AGBL4: variants seen among roughly 807,000 people sequenced by gnomAD.
The protein encoded by AGBL4 is cytosolic carboxypeptidase 6.
AGBL4 carries 58 observed loss-of-function variants against 66.4 expected under a neutral mutation model. The observed-to-expected ratio is 0.87, with a 90% confidence interval of 0.71 to 1.09. The LOEUF is 1.09. AGBL4 is among the 50% of genes least tolerant of loss of function. AGBL4 has a pLI of 0.00. For synonymous variants in AGBL4, 234 were observed against 222.9 expected, an observed-to-expected ratio of 1.05 and a Z score of -0.44; for missense variants, 579 against 631.0, an observed-to-expected ratio of 0.92 and a Z score of 0.88.
intron 2 of AGBL4, chr1:49,846,266 T>C: frequency 6.8e-7 from 1 of 1,481,480 alleles, no homozygotes; most frequent in Non-Finnish European, 9.4e-7. Context: ...TGGAAAGTCC[T>C]TTAGGCAGAG....
intron 2 of AGBL4, among the ~76,000 whole-genome samples, chr1:49,701,242 A>G (rs1474484977): frequency 6.6e-6 from 1 of 152,014 alleles, no homozygotes; most frequent in Non-Finnish European, 1.5e-5. Flanking sequence ...TAGTAAGCCA[A>G]GATGGCGCCA....
intron 6 of AGBL4, among the ~76,000 whole-genome samples, chr1:48,815,569 C>T (rs1646153677): frequency 6.6e-6 from 1 of 152,114 alleles, no homozygotes; most frequent in Non-Finnish European, 1.5e-5. Context: ...GTCATAATTC[C>T]TACCAGATAA....
At chr1:50,011,357 T>C (rs1426224909) in intron 1 of AGBL4, among the ~76,000 whole-genome samples, 1 of 152,150 alleles carries the variant, frequency 6.6e-6, no homozygotes, top group East Asian at 1.9e-4. Context: ...CAAGTTAAAA[T>C]GTCTTATGTC....
At position 49,889,600 on chromosome 1, in the gene AGBL4, C is replaced by CA. The variant is rs750241953; in HGVS notation, c.35-38083dup. ...TGAAACCCCATCTCTACTAAAAATA[C>CA]AAAAAAAATAGCTGGGCGTGGTGGC... On this transcript the variant is annotated intron_variant, in intron 1 of 13. Coordinates refer to ENST00000371839, the MANE Select transcript of AGBL4 (RefSeq NM_032785.4). 1.6e-3 allele frequency among the ~76,000 whole-genome samples: 236 copies of CA among 151,202 alleles called. 1 individual carries two copies. Among genetic ancestry groups the CA allele is most frequent in the Non-Finnish European group, 1.8e-3 (124 of 67,724 alleles).
intron 11 of AGBL4, among the ~76,000 whole-genome samples, chr1:48,576,450 G>A (rs533775348): frequency 6.6e-6 from 1 of 152,114 alleles, no homozygotes; most frequent in Non-Finnish European, 1.5e-5. Context: ...GCCCCTAAAT[G>A]TCTTCTTGCC....
intron 3 of AGBL4, among the ~76,000 whole-genome samples, chr1:49,330,813 C>T (rs1645317040): frequency 6.6e-6 from 1 of 152,086 alleles, no homozygotes; most frequent in African/African-American, 2.4e-5. Context: ...ATGGGTGGCG[C>T]TCATGGAGAG....
At chr1:48,642,581 C>T (rs945243402) in intron 8 of AGBL4, among the ~76,000 whole-genome samples, 11 of 151,954 alleles carry the variant, frequency 7.2e-5, no homozygotes, top group East Asian at 5.8e-4. Context: ...AATCTGAGGC[C>T]GAGAGGGCAG....
At chr1:49,085,816 G>C (rs1046583589) in intron 4 of AGBL4, among the ~76,000 whole-genome samples, 1 of 152,116 alleles carries the variant, frequency 6.6e-6, no homozygotes, top group Non-Finnish European at 1.5e-5. Flanking sequence ...TAGCTCCCCT[G>C]TTTCCCCCTA....
chr1:49,553,499 T>C (rs1653137400), intron 3 of AGBL4, among the ~76,000 whole-genome samples: 2 of 152,180 alleles, frequency 1.3e-5, no homozygotes. Context: ...GTTCATCTTT[T>C]CTTAGTACCA....
chr1:48,605,873 G>A (rs190716562), intron 9 of AGBL4, among the ~76,000 whole-genome samples: 1 of 152,136 alleles, frequency 6.6e-6, no homozygotes, highest in African/African-American at 2.4e-5. Context: ...CTATTCTCTG[G>A]GTTCTTTCTC....
At chr1:48,861,834 C>A (rs1328874140) in intron 6 of AGBL4, among the ~76,000 whole-genome samples, 3 of 152,182 alleles carry the variant, frequency 2.0e-5, no homozygotes, top group African/African-American at 4.8e-5. Flanking sequence ...CAAATCCCAA[C>A]AAAATGAAAT....
At chr1:48,836,723 C>T (rs566839981) in intron 6 of AGBL4, among the ~76,000 whole-genome samples, 1 of 152,116 alleles carries the variant, frequency 6.6e-6, no homozygotes, top group South Asian at 2.1e-4. Context: ...CTTAACATGC[C>T]TTGTCTCATC....
chr1:49,394,504 C>A (rs753289568), intron 3 of AGBL4, among the ~76,000 whole-genome samples: 1 of 152,058 alleles, frequency 6.6e-6, no homozygotes, highest in Non-Finnish European at 1.5e-5. Flanking sequence ...CACCCCACAT[C>A]ACTGTTGCCT....
At chr1:48,697,564 A>C (rs1319828145) in intron 6 of AGBL4, among the ~76,000 whole-genome samples, 2 of 152,316 alleles carry the variant, frequency 1.3e-5, no homozygotes, top group East Asian at 3.9e-4. Context: ...TGGTCCAGTG[A>C]TTTTTCCAGT....
intron 1 of AGBL4, among the ~76,000 whole-genome samples, chr1:49,894,630 T>C (rs1303660563): frequency 6.6e-6 from 1 of 151,976 alleles, no homozygotes; most frequent in Non-Finnish European, 1.5e-5. Context: ...TACTGAAGGA[T>C]GCGAAAGACA....
chr1:49,088,342 A>C (rs905958494), intron 4 of AGBL4, among the ~76,000 whole-genome samples: 1 of 152,194 alleles, frequency 6.6e-6, no homozygotes, highest in Non-Finnish European at 1.5e-5. Flanking sequence ...AAAACAAAAC[A>C]AAAAACCTAT....
At chr1:49,316,823 G>A (rs1354254808) in intron 3 of AGBL4, among the ~76,000 whole-genome samples, 1 of 151,672 alleles carries the variant, frequency 6.6e-6, no homozygotes, top group African/African-American at 2.4e-5. Context: ...TTATATCACT[G>A]TTTATTATGG....
chr1:48,939,116 A>C lies in AGBL4; in HGVS notation c.595-71886T>G, dbSNP rs147123453. ...TAAACTCCTGTGCTATGCTAGAGCA[A>C]CATCTCTTTATGTCTTTTCCCCATT... On this transcript the variant is annotated intron_variant, in intron 5 of 13. Transcript: ENST00000371839. Among the ~76,000 whole-genome samples the C allele has an allele frequency of 8.3e-4, 127 of 152,364 alleles. 1 individual carries two copies. The highest frequency in any genetic ancestry group is 6.9e-3 in the Admixed American group (106 of 15,300).
At chr1:49,410,033 T>C (rs1452148243) in intron 3 of AGBL4, among the ~76,000 whole-genome samples, 1 of 152,218 alleles carries the variant, frequency 6.6e-6, no homozygotes, top group Non-Finnish European at 1.5e-5. Context: ...TGTGGGTCCC[T>C]GAAGTACTAC....
Sources: gnomAD v4.1 joint callset for allele counts (sites outside exome capture counted in the v4.1 genomes callset) on GRCh38, gnomAD v4.1.1 for gene constraint, MANE v1.5 for transcripts, NCBI Gene and HGNC (gene_info 2026-07-23, HGNC 2026-07-21) for gene names.